Variants in TRAPPC9 observed in about 807,000 individuals in gnomAD.
TRAPPC9 encodes the protein trafficking protein particle complex subunit 9.
In TRAPPC9, 83 loss-of-function variants were observed where a neutral mutation model predicts 124.0. That is an observed-to-expected ratio of 0.67 (90% confidence interval 0.56 to 0.80). The LOEUF (loss-of-function observed/expected upper bound fraction) is 0.80, where lower values mean the gene tolerates loss of function less well. Ranked by LOEUF, TRAPPC9 falls within the 30% of genes least tolerant of loss-of-function variation. The pLI, the probability that TRAPPC9 is intolerant of heterozygous loss-of-function variation, is 0.00. For synonymous variants in TRAPPC9, 638 were observed against 617.5 expected, an observed-to-expected ratio of 1.03 and a Z score of -0.49; for missense variants, 1,302 against 1,508.3, an observed-to-expected ratio of 0.86 and a Z score of 2.27.
chr8:139,866,173 G>A (rs978286338), intron 21 of TRAPPC9, among the ~76,000 whole-genome samples: 2 of 152,188 alleles, frequency 1.3e-5, no homozygotes, highest in Non-Finnish European at 2.9e-5. Context: ...TAGCTAGCGG[G>A]CTTCAGAGAC....
intron 17 of TRAPPC9, among the ~76,000 whole-genome samples, chr8:140,038,944 C>T (rs762174529): frequency 6.6e-6 from 1 of 152,186 alleles, no homozygotes; most frequent in African/African-American, 2.4e-5. Context: ...CACCCTCGTA[C>T]CTGGAACTCA....
At chr8:139,796,145 AGAGGAGGAGGAAGAGGAG>A (rs1823075191) in intron 21 of TRAPPC9, among the ~76,000 whole-genome samples, 2 of 141,878 alleles carry the variant, frequency 1.4e-5, no homozygotes, top group South Asian at 2.3e-4. Context: ...AGGAGGAGGA[AGAGGAGGAGGAAGAGGAG>A]GAGGAGGAGG....
chr8:140,420,733 A>G (rs924776547), intron 5 of TRAPPC9, among the ~76,000 whole-genome samples: 4 of 152,198 alleles, frequency 2.6e-5, no homozygotes, highest in Non-Finnish European at 5.9e-5. Context: ...ATATCTAGTG[A>G]AAAATAACTT....
intron 6 of TRAPPC9, among the ~76,000 whole-genome samples, chr8:140,404,394 A>T (rs1434241764): frequency 2.0e-5 from 3 of 152,172 alleles, no homozygotes; most frequent in Non-Finnish European, 4.4e-5. Flanking sequence ...GTGAAATCTT[A>T]AGAGCAGGCA....
chr8:140,279,831 G>A (rs1056952172), intron 14 of TRAPPC9, among the ~76,000 whole-genome samples: 8 of 152,214 alleles, frequency 5.3e-5, no homozygotes, highest in African/African-American at 1.9e-4. Context: ...TTTTACAGCT[G>A]GCAGGGACCT....
At chr8:140,452,900 C>T (rs1258119680) in intron 1 of TRAPPC9, among the ~76,000 whole-genome samples, 1 of 152,132 alleles carries the variant, frequency 6.6e-6, no homozygotes, top group Non-Finnish European at 1.5e-5. Context: ...ACCCTAGTTT[C>T]ATTGTGAATA....
At chr8:140,154,555 C>T (rs1454799013) in intron 17 of TRAPPC9, among the ~76,000 whole-genome samples, 1 of 152,176 alleles carries the variant, frequency 6.6e-6, no homozygotes, top group Non-Finnish European at 1.5e-5. Flanking sequence ...ACTGCTCCCA[C>T]CTCCTAGCCC....
intron 9 of TRAPPC9, among the ~76,000 whole-genome samples, chr8:140,323,018 G>A (rs1249808162): frequency 6.6e-6 from 1 of 152,184 alleles, no homozygotes; most frequent in African/African-American, 2.4e-5. Context: ...GCAACTTCAG[G>A]ATAAGGCTGG....
intron 20 of TRAPPC9, among the ~76,000 whole-genome samples, chr8:139,898,416 A>G (rs534793393): frequency 1.3e-5 from 2 of 152,218 alleles, no homozygotes; most frequent in Non-Finnish European, 2.9e-5. Flanking sequence ...AACTGAATGA[A>G]TGATTTTTTC....
At chr8:140,404,348 T>C (rs1160227916) in intron 6 of TRAPPC9, among the ~76,000 whole-genome samples, 1 of 152,156 alleles carries the variant, frequency 6.6e-6, no homozygotes, top group Non-Finnish European at 1.5e-5. Flanking sequence ...TAAGTATCCA[T>C]CCACGAGAGA....
At chr8:139,807,627 A>G (rs1288753599) in intron 21 of TRAPPC9, among the ~76,000 whole-genome samples, 1 of 152,132 alleles carries the variant, frequency 6.6e-6, no homozygotes, top group Non-Finnish European at 1.5e-5. Context: ...GTGTGCGGAG[A>G]TTGAAGCGGG....
intron 7 of TRAPPC9, among the ~76,000 whole-genome samples, chr8:140,378,882 G>A (rs578219906): frequency 6.6e-6 from 1 of 151,970 alleles, no homozygotes; most frequent in African/African-American, 2.4e-5. Context: ...TCCTGCTTTT[G>A]GGAAAAGGAT....
intron 19 of TRAPPC9, among the ~76,000 whole-genome samples, chr8:139,913,238 G>C (rs1406647995): frequency 6.6e-6 from 1 of 152,206 alleles, no homozygotes; most frequent in African/African-American, 2.4e-5. Flanking sequence ...AACAGAAAAG[G>C]GAAGAAAACA....
intron 14 of TRAPPC9, among the ~76,000 whole-genome samples, chr8:140,278,913 A>C (rs981565623): frequency 6.6e-6 from 1 of 152,218 alleles, no homozygotes; most frequent in Admixed American, 6.5e-5. Flanking sequence ...CTGCTTCGCA[A>C]AGTGACCTGC....
intron 17 of TRAPPC9, among the ~76,000 whole-genome samples, chr8:140,048,928 C>G (rs903903098): frequency 6.6e-6 from 1 of 152,178 alleles, no homozygotes; most frequent in Non-Finnish European, 1.5e-5. Context: ...AATCTTTATA[C>G]CCTCGGTGCC....
In TRAPPC9 at chr8:139,732,009, G is replaced by A. The variant is rs112551069; in HGVS notation, c.3249C>T (p.Phe1083=). 7.8e-3 allele frequency: 12,463 copies of A among 1,596,098 alleles called. 64 individuals are homozygous for A. The highest frequency in any genetic ancestry group is 8.9e-3 in the Non-Finnish European group (10,382 of 1,171,098). Residue 1083 remains phenylalanine, a synonymous_variant, in exon 22 of 23, where the codon TTC becomes TTT. Coordinates refer to ENST00000438773, the MANE Select transcript of TRAPPC9 (RefSeq NM_001160372.4). The stretch of plus-strand genomic sequence containing the variant: ...CGAGGTAGAAGGTGCTGGAGCCCAC[G>A]AAGGAGACGGTGTCGTGCAGGTCGT... ...HNYDLHDTVS[F]VGSSTFYLDA... is the part of the protein sequence containing the mutation.
chr8:139,855,602 G>GAT (rs1827750451), intron 21 of TRAPPC9, among the ~76,000 whole-genome samples: 1 of 152,206 alleles, frequency 6.6e-6, no homozygotes, highest in Non-Finnish European at 1.5e-5. Context: ...GAGGGAGTGG[G>GAT]AAGTCCCCTG....
intron 17 of TRAPPC9, among the ~76,000 whole-genome samples, chr8:140,134,378 T>A (rs1459139420): frequency 1.3e-5 from 2 of 152,172 alleles, no homozygotes; most frequent in African/African-American, 4.8e-5. Context: ...GCGATTCTCC[T>A]GCCTCAGCCT....
intron 7 of TRAPPC9, among the ~76,000 whole-genome samples, chr8:140,382,470 A>G (rs2068636312): frequency 6.6e-6 from 1 of 152,212 alleles, no homozygotes; most frequent in Admixed American, 6.5e-5. Flanking sequence ...TGGTCTTAGC[A>G]AACGGCACAC....
Sources: allele counts gnomAD v4.1 joint callset (sites outside exome capture counted in the v4.1 genomes callset), GRCh38; gene constraint gnomAD v4.1.1; transcripts MANE v1.5; gene names NCBI Gene and HGNC (gene_info 2026-07-23, HGNC 2026-07-21).